The following TBC1D12 variants were observed in gnomAD, a reference collection of about 807,000 sequenced individuals.
TBC1D12 encodes the protein TBC1 domain family, member 12.
TBC1D12 carries 56 observed loss-of-function variants against 86.7 expected under a neutral mutation model. The observed-to-expected ratio is 0.65, with a 90% CI of 0.52 to 0.81. The LOEUF (loss-of-function observed/expected upper bound fraction) is 0.81. TBC1D12 is among the 30% of genes least tolerant of loss of function. TBC1D12 has a pLI of 0.00. For missense variants in TBC1D12, 1,023 were observed against 1,038.8 expected, an observed-to-expected ratio of 0.98 and a Z score of 0.21; for synonymous variants, 421 against 411.7, an observed-to-expected ratio of 1.02 and a Z score of -0.27.
rs777338811 is a variant in TBC1D12, at chr10:94,533,128, A to G, written c.*32A>G. The G allele has an allele frequency of 2.0e-6, 3 of 1,466,584 alleles. No individual in the cohort carries two copies. Among genetic ancestry groups the G allele is most frequent in the Non-Finnish European group, 2.8e-6 (3 of 1,081,684 alleles). 90.8% of individuals were successfully genotyped at this position (1,466,584 alleles called of 1,614,324 possible). On this transcript the variant is annotated 3_prime_UTR_variant, in exon 13 of 13. Transcript: ENST00000225235. ...AAATTGACAGACTAACTGACATAGAAAAAGTGGTTTTTGGATAAAGGTTTT... is the reference window on the plus strand; with the variant it reads ...AAATTGACAGACTAACTGACATAGAGAAAGTGGTTTTTGGATAAAGGTTTT...
intron 2 of TBC1D12, chr10:94,447,506 A>T: frequency 1.8e-6 from 1 of 558,606 alleles, no homozygotes; most frequent in Non-Finnish European, 2.3e-6. Context: ...AACAGTAAAG[A>T]AACATAAAAA....
chr10:94,447,076 A>AAC (rs2055476402), intron 2 of TBC1D12, among the ~76,000 whole-genome samples: 1 of 150,036 alleles, frequency 6.7e-6, no homozygotes, highest in South Asian at 2.1e-4. Context: ...AAAAAAAAAA[A>AAC]CCTTTTTTAT....
intron 1 of TBC1D12, among the ~76,000 whole-genome samples, chr10:94,421,073 G>A (rs2055067142): frequency 6.6e-6 from 1 of 152,022 alleles, no homozygotes; most frequent in Admixed American, 6.6e-5. Context: ...CTATGCAGTA[G>A]AACACCAAAA....
chr10:94,413,870 A>G (rs2054960854), intron 1 of TBC1D12, among the ~76,000 whole-genome samples: 1 of 152,136 alleles, frequency 6.6e-6, no homozygotes. Flanking sequence ...TTTGAAATCA[A>G]ATTATGTGCT....
At chr10:94,491,150 A>G (rs989567482) in intron 3 of TBC1D12, among the ~76,000 whole-genome samples, 3 of 152,066 alleles carry the variant, frequency 2.0e-5, no homozygotes, top group Admixed American at 2.0e-4. Flanking sequence ...TTGTCTGGAA[A>G]CTATAGTTTA....
intron 1 of TBC1D12, among the ~76,000 whole-genome samples, chr10:94,423,728 A>G (rs1383497743): frequency 1.3e-5 from 2 of 152,086 alleles, no homozygotes; most frequent in Non-Finnish European, 2.9e-5. Context: ...TAGCCTGTGT[A>G]TGAATTTTTC....
rs1223310645 is a variant in TBC1D12, at chr10:94,402,813, G to A, written c.200G>A (p.Arg67Gln). 1.3e-6 allele frequency: 2 copies of A among 1,541,316 alleles called. No homozygotes were observed. Among genetic ancestry groups the A allele is most frequent in the Non-Finnish European group, 1.7e-6 (2 of 1,142,994 alleles). The change falls in exon 1 of 13, where the codon CGG becomes CAG. Residue 67 changes from arginine (R) to glutamine (Q), a missense_variant. Coordinates refer to ENST00000225235, the MANE Select transcript of TBC1D12 (RefSeq NM_015188.2). ...EADEEEETPP[R>Q]QLLQRYLAAA... ...GACGAGGAGGAGGAGACGCCGCCTC[G>A]GCAGCTCCTTCAGCGTTACCTCGCG...
intron 1 of TBC1D12, among the ~76,000 whole-genome samples, chr10:94,421,787 G>A (rs114281957): frequency 4.8e-4 from 73 of 152,242 alleles, no homozygotes; most frequent in African/African-American, 1.7e-3. Flanking sequence ...TAATGATGCT[G>A]AGCATTTATT....
At chr10:94,530,733 C>T (rs1842399188) in intron 11 of TBC1D12, among the ~76,000 whole-genome samples, 1 of 152,122 alleles carries the variant, frequency 6.6e-6, no homozygotes, top group Non-Finnish European at 1.5e-5. Context: ...ATACCCTTAA[C>T]TACCAGACTG....
intron 2 of TBC1D12, among the ~76,000 whole-genome samples, chr10:94,459,993 A>C (rs1695750898): frequency 6.6e-6 from 1 of 152,168 alleles, no homozygotes; most frequent in Admixed American, 6.5e-5. Context: ...GCCAGAGCGG[A>C]CACAGAGGCT....
intron 2 of TBC1D12, among the ~76,000 whole-genome samples, chr10:94,451,643 C>G (rs1451533137): frequency 6.6e-6 from 1 of 152,072 alleles, no homozygotes; most frequent in Admixed American, 6.6e-5. Flanking sequence ...CTGGAAATTC[C>G]AGCATCTGGA....
chr10:94,466,376 G>A (rs550585273), intron 2 of TBC1D12, among the ~76,000 whole-genome samples: 80 of 151,734 alleles, frequency 5.3e-4, no homozygotes, highest in Admixed American at 1.5e-3. Context: ...CTTTCTGCCT[G>A]AATAATTTCC....
At chr10:94,440,013 G>C (rs945124) in intron 1 of TBC1D12, among the ~76,000 whole-genome samples, 1 of 152,192 alleles carries the variant, frequency 6.6e-6, no homozygotes, top group Admixed American at 6.5e-5. Context: ...TATTGAAAAC[G>C]TTCACCTATT....
At chr10:94,510,311 G>A in intron 8 of TBC1D12, 132 bp downstream of exon 8, 2 of 540,374 alleles carry the variant, frequency 3.7e-6, no homozygotes, top group Non-Finnish European at 6.3e-6. Flanking sequence ...TGTATAAAAA[G>A]TGTAAAACTA....
chr10:94,458,938 T>C (rs980234423), intron 2 of TBC1D12, among the ~76,000 whole-genome samples: 1 of 152,124 alleles, frequency 6.6e-6, no homozygotes, highest in African/African-American at 2.4e-5. Flanking sequence ...CAAGATTTAT[T>C]GCGAAGAGTG....
rs552625313 is a variant in TBC1D12, at chr10:94,450,168, A to ATATATC, written c.1095+8164_1095+8169dup. ...TAGGTATAATTTAGGTTCTTGGTGC[A>ATATATC]TATATCTATATCTATATCTACATCC... On this transcript the variant is annotated intron_variant, in intron 2 of 12. Coordinates refer to ENST00000225235, the MANE Select transcript of TBC1D12 (RefSeq NM_015188.2). Among the ~76,000 whole-genome samples the ATATATC allele has an allele frequency of 1.6e-4, 24 of 152,300 alleles. No homozygotes were observed. The South Asian group carries it at 3.7e-3, about 24-fold the overall frequency.
chr10:94,526,553 A>G (rs1264447851), intron 11 of TBC1D12, among the ~76,000 whole-genome samples: 1 of 152,192 alleles, frequency 6.6e-6, no homozygotes, highest in East Asian at 1.9e-4. Context: ...TGTTGCCACA[A>G]ATGACAGGAT....
At chr10:94,492,754 G>A (rs1328011241) in intron 3 of TBC1D12, among the ~76,000 whole-genome samples, 1 of 152,090 alleles carries the variant, frequency 6.6e-6, no homozygotes, top group Non-Finnish European at 1.5e-5. Flanking sequence ...TTTTGTGAGG[G>A]GTACCACAAG....
intron 2 of TBC1D12, among the ~76,000 whole-genome samples, chr10:94,442,656 G>T (rs2055398557): frequency 6.6e-6 from 1 of 152,182 alleles, no homozygotes; most frequent in Non-Finnish European, 1.5e-5. Context: ...GGAAAGCAGT[G>T]AGACTGGATC....
Sources: gnomAD v4.1 joint callset for allele counts (sites outside exome capture counted in the v4.1 genomes callset) on GRCh38, gnomAD v4.1.1 for gene constraint, MANE v1.5 for transcripts, NCBI Gene and HGNC (gene_info 2026-07-23, HGNC 2026-07-21) for gene names.